Variants in ZDHHC16 observed in about 807,000 individuals in gnomAD.
The protein encoded by ZDHHC16 is zDHHC palmitoyltransferase 16.
A neutral mutation model predicts 54.4 loss-of-function variants in ZDHHC16; 33 were observed. That is an observed-to-expected ratio of 0.61 (90% CI 0.46 to 0.81). The LOEUF (loss-of-function observed/expected upper bound fraction) is 0.81, where lower values mean the gene tolerates loss of function less well. Among genes scored for constraint, ZDHHC16 ranks in the 30% least tolerant of loss-of-function variants. The pLI is 0.00. For missense variants in ZDHHC16, 420 were observed against 485.9 expected, an observed-to-expected ratio of 0.86 and a Z score of 1.28; for synonymous variants, 185 against 182.1, an observed-to-expected ratio of 1.02 and a Z score of -0.13.
chr10:97,452,607 C>G, intron 5 of ZDHHC16, 104 bp downstream of exon 5: 6 of 1,248,450 alleles, frequency 4.8e-6, no homozygotes, highest in Non-Finnish European at 6.8e-6. Flanking sequence ...AATCACCCAT[C>G]GTGTCCCAGG....
intron 1 of ZDHHC16, among the ~76,000 whole-genome samples, chr10:97,447,374 C>G: frequency 6.6e-6 from 1 of 152,162 alleles, no homozygotes; most frequent in East Asian, 1.9e-4. Flanking sequence ...TCCCCTCAGT[C>G]GACTTTCCCA....
In ZDHHC16 at chr10:97,455,694, T is replaced by TG; in HGVS notation, c.861dup (p.His288AlafsTer9). On this transcript the variant is annotated frameshift_variant, in exon 10 of 12. Coordinates refer to ENST00000393760, the MANE Select transcript of ZDHHC16 (RefSeq NM_198046.3). LOFTEE classifies it high-confidence loss of function. ...ACTTGCCCTGGGTGCCCTAACTGTATGGCATGCTGTTCTCATCAGTCGAGG... is the reference window on the plus strand; with the variant it reads ...ACTTGCCCTGGGTGCCCTAACTGTATGGGCATGCTGTTCTCATCAGTCGAGG... 1.2e-6 allele frequency: 2 copies of TG among 1,614,250 alleles called. No individual in the cohort carries two copies. The highest frequency in any genetic ancestry group is 1.7e-6 in the Non-Finnish European group (2 of 1,180,044).
chr10:97,456,196 G>C (rs3818909), intron 11 of ZDHHC16, 152 bp downstream of exon 11: 420,127 of 783,168 alleles, frequency 0.54, 114,258 homozygotes, highest in South Asian at 0.59. Context: ...ATTTGAACCA[G>C]AAAGGCTTGA....
rs905841453 is a variant in ZDHHC16 at position 97,453,655 on chromosome 10, G to T, written c.682G>T (p.Ala228Ser). Residue 228 changes from alanine (A) to serine (S), a missense_variant, in exon 7 of 12, where the codon GCC becomes TCC. By Grantham distance (99) the Ala-to-Ser change is moderately conservative. Transcript: ENST00000393760. ...GGACCTTTTCCGGGAGGCTTATGCT[G>T]CCATTGAGGTGAGCTCATCAGGAAC... is the stretch of plus-strand genomic sequence containing the variant. ...SWDLFREAYA[A>S]IEKMKQLDKN... 1 of 1,614,066 alleles carries T rather than the reference G, an allele frequency of 6.2e-7. No homozygotes were observed. The highest frequency in any genetic ancestry group is 1.3e-5 in the African/African-American group (1 of 74,922).
At chr10:97,454,858 GC>G in intron 9 of ZDHHC16, 59 bp downstream of exon 9, 1 of 1,474,014 alleles carries the variant, frequency 6.8e-7, no homozygotes, top group Non-Finnish European at 9.5e-7. Context: ...TTTTTTAGGT[GC>G]CCACACGCAG....
At chr10:97,448,852 G>A (rs10882937) in intron 1 of ZDHHC16, among the ~76,000 whole-genome samples, 42,240 of 152,124 alleles carry the variant, frequency 0.28, 6,116 homozygotes, top group East Asian at 0.48. Context: ...GGGAAGATAC[G>A]TATAGGTTAT....
chr10:97,446,996 A>G (rs1302907069), intron 1 of ZDHHC16, among the ~76,000 whole-genome samples: 3 of 152,162 alleles, frequency 2.0e-5, no homozygotes, highest in Non-Finnish European at 4.4e-5. Context: ...GGCATGAGCC[A>G]CTGCCTCCGG....
At chr10:97,447,819 A>T (rs2133186617) in intron 1 of ZDHHC16, among the ~76,000 whole-genome samples, 1 of 152,030 alleles carries the variant, frequency 6.6e-6, no homozygotes, top group Middle Eastern at 3.4e-3. Context: ...GCCACTCAGG[A>T]GGCTGAGGCA....
intron 1 of ZDHHC16, among the ~76,000 whole-genome samples, chr10:97,446,616 T>A (rs1846061270): frequency 6.6e-6 from 1 of 152,228 alleles, no homozygotes; most frequent in African/African-American, 2.4e-5. Context: ...TCCAAAATGA[T>A]CAAGATAGTT....
intron 1 of ZDHHC16, among the ~76,000 whole-genome samples, chr10:97,446,838 C>T (rs150602862): frequency 0.031 from 4,304 of 140,528 alleles, 202 homozygotes; most frequent in African/African-American, 0.11. Flanking sequence ...CTGCCTCAGC[C>T]TCCCGCGCAG....
intron 11 of ZDHHC16, 105 bp downstream of exon 11, chr10:97,456,149 G>GCA: frequency 8.5e-7 from 1 of 1,178,164 alleles, no homozygotes. Flanking sequence ...TACTGTGTTA[G>GCA]CACAGTTCTA....
chr10:97,449,896 G>T lies in ZDHHC16; in HGVS notation c.-185-461G>T, dbSNP rs556620672. On this transcript the variant is annotated intron_variant, in intron 1 of 11. Transcript: ENST00000393760. ...TTTTTTTTTTTTGAGACGGAGTCTC[G>T]CTCTGTCGCCCAGGCCGGACTGCGG... 8.4e-5 allele frequency among the ~76,000 whole-genome samples: 8 copies of T among 95,212 alleles called. No individual in the cohort carries two copies. In the East Asian group the frequency reaches 2.1e-3, roughly 25 times the overall value. 62.5% of individuals were successfully genotyped at this position (95,212 alleles called of 152,430 possible). A position where few individuals can be genotyped will look rare whatever the true frequency, so the allele number is the denominator to read the frequency against.
chr10:97,456,154 GTTC>G (rs1230270985), intron 11 of ZDHHC16, 110 bp downstream of exon 11: 14 of 1,102,046 alleles, frequency 1.3e-5, no homozygotes, highest in Non-Finnish European at 1.7e-5. Context: ...TGTTAGCACA[GTTC>G]TAGACTCTAG....
intron 1 of ZDHHC16, among the ~76,000 whole-genome samples, chr10:97,446,845 G>T (rs1175255543): frequency 8.4e-6 from 1 of 118,440 alleles, no homozygotes; most frequent in Non-Finnish European, 1.7e-5. Context: ...AGCCTCCCGC[G>T]CAGCTGGGAC....
chr10:97,451,785 A>G lies in ZDHHC16; in HGVS notation c.110A>G (p.Gln37Arg). The change falls in exon 3 of 12, where the codon CAG (glutamine) becomes CGG (arginine). Residue 37 changes from glutamine to arginine, a missense_variant. By Grantham distance (43) the Gln-to-Arg change is conservative. Transcript: ENST00000393760. ...CCACCTCTACTCCGGGGTCTAGTAC[A>G]GCGCTGGCGCTACGGCAAGGTCTGC... is the stretch of plus-strand genomic sequence containing the variant. ...RCPPLLRGLV[Q>R]RWRYGKVCLR... The G allele has an allele frequency of 1.2e-6, 2 of 1,614,190 alleles. No homozygotes were observed. Among genetic ancestry groups the G allele is most frequent in the Non-Finnish European group, 8.5e-7 (1 of 1,180,044 alleles).
intron 1 of ZDHHC16, among the ~76,000 whole-genome samples, chr10:97,449,104 C>T (rs1236620414): frequency 4.6e-5 from 7 of 152,096 alleles, no homozygotes; most frequent in African/African-American, 1.7e-4. Flanking sequence ...TACGGAACTG[C>T]TTAGGGACAG....
At chr10:97,455,950 G>A (rs771011140) in intron 10 of ZDHHC16, 24 bp from the exon 11 acceptor site, 5 of 1,613,594 alleles carry the variant, frequency 3.1e-6, no homozygotes, top group Non-Finnish European at 4.2e-6. Context: ...GAAGTTCAAA[G>A]AAACATGTTT....
chr10:97,451,918 GGTGA>G lies in ZDHHC16; in HGVS notation c.243+5_243+8del, dbSNP rs1410726919. On this transcript the variant is annotated splice_donor_variant and splice_donor_region_variant and intron_variant, in intron 3 of 11. Transcript: ENST00000393760. LOFTEE classifies it high-confidence loss of function. ...ACAACGTGATCCGCTGGTTTGGAGTGGTGAGTGATGTCCAGGGAGCAGGAAAAGG... is the reference window on the plus strand; with the variant it reads ...ACAACGTGATCCGCTGGTTTGGAGTGGTGATGTCCAGGGAGCAGGAAAAGG... 6.8e-6 allele frequency: 11 copies of G among 1,608,138 alleles called. No individual in the cohort carries two copies. The highest frequency in any genetic ancestry group is 9.4e-6 in the Non-Finnish European group (11 of 1,176,388).
At chr10:97,454,323 G>A (rs1846960094) in intron 8 of ZDHHC16, among the ~76,000 whole-genome samples, 2 of 152,196 alleles carry the variant, frequency 1.3e-5, no homozygotes, top group Non-Finnish European at 2.9e-5. Context: ...GGAGCTCACA[G>A]TCCCTAGTGG....
Sources: allele counts gnomAD v4.1 joint callset (sites outside exome capture counted in the v4.1 genomes callset), GRCh38; gene constraint gnomAD v4.1.1; transcripts MANE v1.5; gene names NCBI Gene and HGNC (gene_info 2026-07-23, HGNC 2026-07-21).